Variants in SIRT4 observed in about 807,000 individuals in gnomAD.
SIRT4 encodes sirtuin 4, also known as NAD-dependent protein lipoamidase sirtuin-4, mitochondrial.
SIRT4 carries 23 observed loss-of-function variants against 26.1 expected under a neutral mutation model. The ratio of observed to expected loss-of-function variants is 0.88; its 90% CI spans 0.63 to 1.25. The LOEUF (loss-of-function observed/expected upper bound fraction) is 1.25, where lower values mean the gene tolerates loss of function less well. SIRT4 is among the 50% of genes most tolerant of loss of function. The pLI, the probability that SIRT4 is intolerant of heterozygous loss-of-function variation, is 0.00. For missense variants in SIRT4, 361 were observed against 405.4 expected (o/e 0.89, Z 0.94); for synonymous variants, 155 against 158.4 (o/e 0.98, Z 0.16).
upstream of SIRT4, among the ~76,000 whole-genome samples, chr12:120,302,126 C>T (rs1247714533): frequency 6.6e-6 from 1 of 151,204 alleles, no homozygotes; most frequent in East Asian, 1.9e-4. Context: ...CTACTAAGTG[C>T]CCACAGAAAT....
the SIRT4 span, chr12:120,291,876 G>GA: frequency 6.6e-6 from 1 of 152,062 alleles, no homozygotes; most frequent in South Asian, 2.1e-4. Context: ...AAACCTCATT[G>GA]GCTACGATAC....
chr12:120,313,028 C>A lies in SIRT4; in HGVS notation c.937C>A (p.Pro313Thr), dbSNP rs1364803517. 1 of 1,614,020 alleles carries A rather than the reference C, an allele frequency of 6.2e-7. No individual in the cohort carries two copies. Among genetic ancestry groups the A allele is most frequent in the Non-Finnish European group, 8.5e-7 (1 of 1,180,018 alleles). Residue 313 changes from proline to threonine, a missense_variant, in exon 4 of 4, where the codon CCA becomes ACA. By Grantham distance (38) the Pro-to-Thr change is conservative. Transcript: ENST00000202967. ...TGGAGAGTTGCTGCCTTTGATAGAC[C>A]CATGCTGACCACAGCCTGATATTCC... Reference protein sequence around the residue: ...RCGELLPLIDPC With the variant: ...RCGELLPLIDTC
intron 3 of SIRT4, 62 bp from the exon 4 acceptor site, chr12:120,312,822 G>A: frequency 1.2e-6 from 2 of 1,609,024 alleles, no homozygotes; most frequent in South Asian, 2.2e-5. Flanking sequence ...ACCCTGTTTG[G>A]TTTAACTTTT....
chr12:120,298,944 T>C (rs1231701744), upstream of SIRT4, among the ~76,000 whole-genome samples: 1 of 146,314 alleles, frequency 6.8e-6, no homozygotes, highest in South Asian at 2.2e-4. Flanking sequence ...AATAAATAAA[T>C]AGCCGGGCGC....
chr12:120,293,163 G>A, the SIRT4 span: 1 of 152,256 alleles, frequency 6.6e-6, no homozygotes, highest in African/African-American at 2.4e-5. Context: ...CGGGGTATTG[G>A]GAAAAGTTTT....
At chr12:120,310,016 C>A (rs1872898434) in intron 2 of SIRT4, among the ~76,000 whole-genome samples, 2 of 152,058 alleles carry the variant, frequency 1.3e-5, no homozygotes, top group South Asian at 4.1e-4. Flanking sequence ...CGTGCCCGGC[C>A]TGGCCTTTTT....
chr12:120,312,991 GAA>G lies in SIRT4; in HGVS notation c.901_902del (p.Asn301PhefsTer18). ...RSDDLACLKL[N>X]SRCGELLPLI... The stretch of plus-strand genomic sequence containing the variant: ...CGGATGACTTGGCGTGTCTGAAACT[GAA>G]TTCTCGTTGTGGAGAGTTGCTGCCT... On this transcript the variant is annotated frameshift_variant, in exon 4 of 4. Coordinates refer to ENST00000202967, the MANE Select transcript of SIRT4 (RefSeq NM_012240.3). LOFTEE classifies it high-confidence loss of function. 1 of 1,614,146 alleles carries G rather than the reference GAA, an allele frequency of 6.2e-7. No homozygotes were observed. The highest frequency in any genetic ancestry group is 8.5e-7 in the Non-Finnish European group (1 of 1,180,034).
At chr12:120,295,400 A>G in the SIRT4 span, among the ~76,000 whole-genome samples, 1 of 136,182 alleles carries the variant, frequency 7.3e-6, no homozygotes, top group African/African-American at 2.8e-5. Context: ...ATATATATGT[A>G]TAAATATATA....
chr12:120,299,701 C>A (rs936356896), upstream of SIRT4, among the ~76,000 whole-genome samples: 3 of 152,114 alleles, frequency 2.0e-5, no homozygotes, highest in African/African-American at 7.2e-5. Flanking sequence ...ACGGCGCCTG[C>A]AAAATCACAT....
intron 2 of SIRT4, among the ~76,000 whole-genome samples, chr12:120,309,151 C>T (rs756254430): frequency 3.9e-5 from 6 of 152,074 alleles, no homozygotes; most frequent in African/African-American, 7.2e-5. Flanking sequence ...CATTGCCCTC[C>T]AGCCTGGGCG....
chr12:120,297,158 G>A, the SIRT4 span, among the ~76,000 whole-genome samples: 6 of 152,104 alleles, frequency 3.9e-5, no homozygotes, highest in South Asian at 2.1e-4. Flanking sequence ...GGTAGGCGGA[G>A]GTTGCAGTGA....
the SIRT4 span, chr12:120,293,050 C>CA: frequency 6.7e-6 from 1 of 148,924 alleles, no homozygotes; most frequent in East Asian, 2.0e-4. Flanking sequence ...CAAGCACCCC[C>CA]ACACACACAA....
Position 120,303,809 on chromosome 12 carries a change from C to A in SIRT4, c.248C>A (p.Ala83Asp). The change falls in exon 2 of 4, where the codon GCC becomes GAC. Residue 83 changes from alanine to aspartate, a missense_variant. Transcript: ENST00000202967. ...DYRSEKVGLY[A>D]RTDRRPIQHG... ...AGGTCAGAAAAAGTGGGGCTTTATG[C>A]CCGCACTGACCGCAGGCCCATCCAG... 1 of 1,614,096 alleles carries A rather than the reference C, an allele frequency of 6.2e-7. No homozygotes were observed. Among genetic ancestry groups the A allele is most frequent in the South Asian group, 1.1e-5 (1 of 91,062 alleles).
upstream of SIRT4, among the ~76,000 whole-genome samples, chr12:120,299,201 A>G (rs1301764546): frequency 6.7e-6 from 1 of 149,500 alleles, no homozygotes; most frequent in Non-Finnish European, 1.5e-5. Context: ...AGCCTGGGCG[A>G]CAGAGCGAGA....
upstream of SIRT4, among the ~76,000 whole-genome samples, chr12:120,300,681 C>T (rs975405798): frequency 3.3e-5 from 5 of 152,102 alleles, no homozygotes; most frequent in African/African-American, 4.8e-5. Context: ...CTTTTGGGCT[C>T]AAGTGATCCT....
At chr12:120,291,869 C>A in the SIRT4 span, 2 of 152,094 alleles carry the variant, frequency 1.3e-5, no homozygotes, top group African/African-American at 4.8e-5. Context: ...CTCGGATAAA[C>A]CTCATTGGCT....
chr12:120,304,552 A>C (rs1872666538), intron 2 of SIRT4, among the ~76,000 whole-genome samples: 1 of 151,804 alleles, frequency 6.6e-6, no homozygotes. Flanking sequence ...TGGGAGGCTG[A>C]GGCAGGAAAA....
chr12:120,293,346 A>G, the SIRT4 span: 2 of 152,198 alleles, frequency 1.3e-5, no homozygotes, highest in East Asian at 1.9e-4. Context: ...CTTGAAAATT[A>G]TACAATCATA....
chr12:120,297,428 T>TGG (rs922289138), upstream of SIRT4, among the ~76,000 whole-genome samples: 2 of 145,314 alleles, frequency 1.4e-5, no homozygotes, highest in African/African-American at 5.1e-5. Flanking sequence ...CTAGAATGGG[T>TGG]GGCCCATTAC....
Sources: allele counts gnomAD v4.1 joint callset (sites outside exome capture counted in the v4.1 genomes callset), GRCh38; gene constraint gnomAD v4.1.1; transcripts MANE v1.5; gene names NCBI Gene and HGNC (gene_info 2026-07-23, HGNC 2026-07-21).